SCARF2: variants seen among roughly 807,000 people sequenced by gnomAD.
SCARF2 encodes the protein scavenger receptor expressed by endothelial cells 2 protein.
In SCARF2, 39 loss-of-function variants were observed where a neutral mutation model predicts 73.4. The observed-to-expected ratio is 0.53, with a 90% CI of 0.41 to 0.69. The LOEUF is 0.69. Among genes scored for constraint, SCARF2 ranks in the 30% least tolerant of loss-of-function variants. SCARF2 has a pLI of 0.00. For synonymous variants in SCARF2, 605 were observed against 590.0 expected, an observed-to-expected ratio of 1.03 and a Z score of -0.37; for missense variants, 1,148 against 1,303.5, an observed-to-expected ratio of 0.88 and a Z score of 1.84.
At chr22:20,434,120 A>T (rs1411607352) in intron 1 of SCARF2, among the ~76,000 whole-genome samples, 1 of 152,168 alleles carries the variant, frequency 6.6e-6, no homozygotes, top group Non-Finnish European at 1.5e-5. Context: ...TACTGTAGAA[A>T]GATTAAGAGA....
In SCARF2 at chr22:20,425,519, G is replaced by A. The variant is rs764576797; in HGVS notation, c.2457C>T (p.Thr819=). The A allele has an allele frequency of 2.5e-5, 34 of 1,349,914 alleles. No homozygotes were observed. In the East Asian group the frequency reaches 8.8e-4, roughly 35 times the overall value. The allele number at this position is 1,349,914 out of a possible 1,614,324, so 83.6% of individuals were successfully genotyped here. A position where few individuals can be genotyped will look rare whatever the true frequency, so the allele number is the denominator to read the frequency against. ...PASPARAPPA[T]ETPGPEKAAT... is the part of the protein sequence containing the mutation. ...CCGCCTTCTCAGGCCCCGGGGTTTC[G>A]GTCGCTGGGGGCGCGCGGGCGGGCG... The change falls in exon 11 of 11, where the codon ACC becomes ACT. Residue 819 remains threonine (T), a synonymous_variant. Coordinates refer to ENST00000622235, the MANE Select transcript of SCARF2 (RefSeq NM_182895.5). This position sits in a 1 kb window ranked among gnomAD's most constrained non-coding sequence, Gnocchi z 4.6.
At chr22:20,431,640 G>C (rs1444517649) in intron 3 of SCARF2, 103 bp from the exon 4 acceptor site, 8 of 1,540,668 alleles carry the variant, frequency 5.2e-6, no homozygotes, top group Non-Finnish European at 7.0e-6. Context: ...GCCACCTCTG[G>C]GGACCCGCCC....
At chr22:20,428,810 C>T (rs2052608985) in intron 9 of SCARF2, among the ~76,000 whole-genome samples, 1 of 152,114 alleles carries the variant, frequency 6.6e-6, no homozygotes, top group Non-Finnish European at 1.5e-5. Flanking sequence ...TCTCTGGGTA[C>T]TGCTGGGGAT....
At position 20,430,541 on chromosome 22, in the gene SCARF2, T is replaced by C; in HGVS notation, c.1090A>G (p.Ser364Gly). 1 of 1,611,380 alleles carries C rather than the reference T, an allele frequency of 6.2e-7. No homozygotes were observed. Among genetic ancestry groups the C allele is most frequent in the Non-Finnish European group, 8.5e-7 (1 of 1,179,102 alleles). ...WIGDRCETKC[S>G]NGTYGEDCAF... ...CAGTCCTCGCCGTAAGTGCCATTGC[T>C]ACACTTGGTCTCGCACCTTGGAAAG... The change falls in exon 6 of 11, where the codon AGC (serine) becomes GGC (glycine). Residue 364 changes from serine (S) to glycine (G), a missense_variant. Ser to Gly is a moderately conservative substitution (Grantham distance 56, BLOSUM62 0). Coordinates refer to ENST00000622235, the MANE Select transcript of SCARF2 (RefSeq NM_182895.5).
At chr22:20,427,349 G>C in intron 10 of SCARF2, 49 bp downstream of exon 10, 2 of 1,609,244 alleles carry the variant, frequency 1.2e-6, no homozygotes, top group Non-Finnish European at 1.7e-6. Flanking sequence ...GCTTTTCCAT[G>C]GGAACATTTC....
chr22:20,426,415 C>T, intron 10 of SCARF2, 133 bp from the exon 11 acceptor site: 2 of 973,764 alleles, frequency 2.1e-6, no homozygotes, highest in Non-Finnish European at 2.9e-6. Context: ...TCTAGACGTG[C>T]CTGGCACAGA....
chr22:20,431,800 C>T lies in SCARF2; in HGVS notation c.279G>A (p.Val93=). Residue 93 remains valine (V), a synonymous_variant, in exon 3 of 11, where the codon GTG becomes GTA. Transcript: ENST00000622235. ...GGCGGCAGCGGCACTCGCCAGGCCT[C>T]ACGCACACCTCGTTCTCTGAGCACG... ...NSTCSENEVC[V]RPGECRCRHG... is the part of the protein sequence containing the mutation. 6.3e-7 allele frequency: 1 copy of T among 1,597,148 alleles called. No homozygotes were observed. Among genetic ancestry groups the T allele is most frequent in the Non-Finnish European group, 8.5e-7 (1 of 1,173,094 alleles).
At position 20,426,218 on chromosome 22, in the gene SCARF2, G is replaced by A. The variant is rs774416368; in HGVS notation, c.1758C>T (p.Ser586=). The A allele has an allele frequency of 6.5e-7, 1 of 1,533,238 alleles. No individual in the cohort carries two copies. Among genetic ancestry groups the A allele is most frequent in the Admixed American group, 2.0e-5 (1 of 50,380 alleles). 95.0% of individuals were successfully genotyped at this position (1,533,238 alleles called of 1,614,324 possible). Reference sequence around the variant, plus strand: ...AGGCTGGCGTGGTCAAGGGCACAGGGGACGGCGCCGGCGCCTCGGCAGGGA... The same window carrying A: ...AGGCTGGCGTGGTCAAGGGCACAGGAGACGGCGCCGGCGCCTCGGCAGGGA... ...PTVPAEAPAP[S]PVPLTTPASA... Residue 586 remains serine, a synonymous_variant, in exon 11 of 11, where the codon TCC becomes TCT. Transcript: ENST00000622235.
In SCARF2 at chr22:20,425,684, G is replaced by A; in HGVS notation, c.2292C>T (p.Pro764=). 1.6e-6 allele frequency: 2 copies of A among 1,238,650 alleles called. No individual in the cohort carries two copies. Among genetic ancestry groups the A allele is most frequent in the East Asian group, 6.4e-5 (2 of 31,050 alleles). The allele number at this position is 1,238,650 out of a possible 1,614,324, so 76.7% of individuals were successfully genotyped here. A position where few individuals can be genotyped will look rare whatever the true frequency, so the allele number is the denominator to read the frequency against. ...TDAGGPPRSA[P]EAASMLAAEL... ...CAGCGGCCAACATGGAGGCAGCCTCGGGCGCGCTTCGCGGGGGACCGCCGG... is the reference window on the plus strand; with the variant it reads ...CAGCGGCCAACATGGAGGCAGCCTCAGGCGCGCTTCGCGGGGGACCGCCGG... The change falls in exon 11 of 11, where the codon CCC becomes CCT. Residue 764 remains proline (P), a synonymous_variant. Transcript: ENST00000622235. The surrounding 1 kb of genome is among the most constrained non-coding windows in gnomAD (Gnocchi z 4.6).
intron 10 of SCARF2, 69 bp downstream of exon 10, chr22:20,427,329 C>T (rs1358247263): frequency 7.6e-6 from 12 of 1,583,034 alleles, no homozygotes; most frequent in Middle Eastern, 1.8e-4. Flanking sequence ...TGTGTCCCAC[C>T]CAGAACACAG....
In SCARF2 at chr22:20,429,149, C is replaced by G. The variant is rs1014990927; in HGVS notation, c.1540+76G>C. The G allele has an allele frequency of 1.3e-6, 2 of 1,580,280 alleles. No individual in the cohort carries two copies. The highest frequency in any genetic ancestry group is 2.7e-5 in the African/African-American group (2 of 74,210). ...CCCATTTCCTCACTGAGATCTGGAC[C>G]CCCTCACACCCATTTCCCAGCAGCT... On this transcript the variant is annotated intron_variant, in intron 9 of 10. Transcript: ENST00000622235. The surrounding 1 kb of genome is among the most constrained non-coding windows in gnomAD (Gnocchi z 5.2).
At position 20,437,592 on chromosome 22, in the gene SCARF2, G is replaced by T. The variant is rs377462140; in HGVS notation, c.163C>A (p.Arg55Ser). ...ELNPRGRNVC[R>S]APGSQVPTCC... ...CAGGCCGGCTCCTACCCGGGAGCACGGCACACGTTGCGGCCGCGAGGGTTC... is the reference window on the plus strand; with the variant it reads ...CAGGCCGGCTCCTACCCGGGAGCACTGCACACGTTGCGGCCGCGAGGGTTC... The change falls in exon 1 of 11, where the codon CGT (arginine) becomes AGT (serine). Residue 55 changes from arginine (R) to serine (S), a missense_variant. This residue lies in a region of SCARF2 where 124 missense variants were observed against 120.4 expected (regional missense o/e 1.03). Coordinates refer to ENST00000622235, the MANE Select transcript of SCARF2 (RefSeq NM_182895.5). The T allele has an allele frequency of 1.3e-5, 21 of 1,574,344 alleles. No homozygotes were observed. The highest frequency in any genetic ancestry group is 1.6e-5 in the Non-Finnish European group (19 of 1,167,650).
Position 20,431,942 on chromosome 22 carries a change from C to T in SCARF2, c.220G>A (p.Glu74Lys). The T allele has an allele frequency of 6.2e-7, 1 of 1,610,786 alleles. No individual in the cohort carries two copies. The highest frequency in any genetic ancestry group is 1.1e-5 in the South Asian group (1 of 90,738). Reference sequence around the variant, plus strand: ...ATGACCCACTCACCAATCCCACACTCGTCCCCTTGCTGCCTCCAGCCAGCG... The same window carrying T: ...ATGACCCACTCACCAATCCCACACTTGTCCCCTTGCTGCCTCCAGCCAGCG... ...CCAGWRQQGD[E>K]CGIAVCEGNS... is the part of the protein sequence containing the mutation. Residue 74 changes from glutamate (E) to lysine (K), a missense_variant, in exon 2 of 11, where the codon GAG becomes AAG. By Grantham distance (56) the Glu-to-Lys change is moderately conservative. Around this residue, in one of 5 missense-constraint regions of SCARF2, gnomAD observed 124 missense variants for 120.4 expected, o/e 1.03. Transcript: ENST00000622235.
Position 20,425,407 on chromosome 22 carries a change from C to G in SCARF2, c.2569G>C (p.Glu857Gln). 7.0e-7 allele frequency: 1 copy of G among 1,429,694 alleles called. No homozygotes were observed. Among genetic ancestry groups the G allele is most frequent in the Non-Finnish European group, 9.2e-7 (1 of 1,089,342 alleles). The allele number at this position is 1,429,694 out of a possible 1,614,324, so 88.6% of individuals were successfully genotyped here. ...PRKKSREAAG[E>Q]LGRAGAPTL is the part of the protein sequence containing the mutation. ...GTGGGTGCGCCCGCCCTGCCCAGCT[C>G]GCCCGCCGCCTCCCGGCTCTTCTTG... Residue 857 changes from glutamate (E) to glutamine (Q), a missense_variant, in exon 11 of 11, where the codon GAG (glutamate) becomes CAG (glutamine). Transcript: ENST00000622235. This position sits in a 1 kb window ranked among gnomAD's most constrained non-coding sequence, Gnocchi z 4.6.
rs776966864 is a variant in SCARF2 at position 20,429,601 on chromosome 22, G to T, written c.1359C>A (p.Leu453=). The change falls in exon 8 of 11, where the codon CTC becomes CTA. Residue 453 remains leucine (L), a synonymous_variant. Coordinates refer to ENST00000622235, the MANE Select transcript of SCARF2 (RefSeq NM_182895.5). This position sits in a 1 kb window ranked among gnomAD's most constrained non-coding sequence, Gnocchi z 5.2. ...VMGAGALLVL[L]VCLLLSLLGC... ...CGAGCAGCGAGAGCAGCAGGCAGAC[G>T]AGCAGGACGAGCAGCGCGCCCGCGC... The T allele has an allele frequency of 7.4e-6, 12 of 1,613,568 alleles. No homozygotes were observed. Among genetic ancestry groups the T allele is most frequent in the Middle Eastern group, 1.7e-4 (1 of 6,060 alleles).
intron 9 of SCARF2, among the ~76,000 whole-genome samples, chr22:20,428,512 C>T (rs1411604236): frequency 1.3e-5 from 2 of 152,120 alleles, no homozygotes; most frequent in Non-Finnish European, 2.9e-5. Flanking sequence ...CCATGTTGGT[C>T]AGGCTGGTCT....
At chr22:20,433,516 C>T (rs1296136665) in intron 1 of SCARF2, among the ~76,000 whole-genome samples, 1 of 152,126 alleles carries the variant, frequency 6.6e-6, no homozygotes, top group Non-Finnish European at 1.5e-5. Context: ...CCCAGGCTTC[C>T]GAGGATGCCC....
At position 20,426,242 on chromosome 22, in the gene SCARF2, G is replaced by A. The variant is rs1376314966; in HGVS notation, c.1734C>T (p.Val578=). 6.5e-7 allele frequency: 1 copy of A among 1,536,942 alleles called. No homozygotes were observed. Among genetic ancestry groups the A allele is most frequent in the East Asian group, 2.4e-5 (1 of 41,652 alleles). ...GGGACGGCGCCGGCGCCTCGGCAGGGACAGTGGGGACTTCGGGGTCCCGGC... is the reference window on the plus strand; with the variant it reads ...GGGACGGCGCCGGCGCCTCGGCAGGAACAGTGGGGACTTCGGGGTCCCGGC... The part of the protein sequence containing the change: ...AESRDPEVPT[V]PAEAPAPSPV... Residue 578 remains valine (V), a synonymous_variant, in exon 11 of 11, where the codon GTC becomes GTT. Coordinates refer to ENST00000622235, the MANE Select transcript of SCARF2 (RefSeq NM_182895.5).
At chr22:20,432,023 C>G (rs756668391) in intron 1 of SCARF2, 35 bp from the exon 2 acceptor site, 1 of 1,587,368 alleles carries the variant, frequency 6.3e-7, no homozygotes, top group Admixed American at 1.8e-5. Context: ...AGCCCGATGC[C>G]CCTCCCCCAG....
Sources: gnomAD v4.1 joint callset for allele counts (sites outside exome capture counted in the v4.1 genomes callset) on GRCh38, gnomAD v4.1.1 for gene constraint, gnomAD v4.1.1 regional missense constraint, Gnocchi (gnomAD v3.1) non-coding constraint, MANE v1.5 for transcripts, NCBI Gene and HGNC (gene_info 2026-07-23, HGNC 2026-07-21) for gene names.